TTLL9: variants seen among roughly 807,000 people sequenced by gnomAD.
The protein encoded by TTLL9 is probable tubulin polyglutamylase TTLL9.
Under a neutral mutation model 65.6 loss-of-function variants are expected in TTLL9, and 47 were observed. That is an observed-to-expected ratio of 0.72 (90% confidence interval 0.57 to 0.91). The LOEUF (loss-of-function observed/expected upper bound fraction) is 0.91, where lower values mean the gene tolerates loss of function less well. TTLL9 is among the 40% of genes least tolerant of loss of function. The pLI, the probability that TTLL9 is intolerant of heterozygous loss-of-function variation, is 0.00. For synonymous variants in TTLL9, 179 were observed against 204.8 expected (o/e 0.87, Z 1.07); for missense variants, 537 against 568.8 (o/e 0.94, Z 0.57).
chr20:31,923,644 C>T (rs147011177), intron 8 of TTLL9, among the ~76,000 whole-genome samples: 2,210 of 152,296 alleles, frequency 0.015, 32 homozygotes, highest in Non-Finnish European at 0.021. Flanking sequence ...GCCTCCTCCC[C>T]GCAAGCTTGG....
intron 3 of TTLL9, 122 bp downstream of exon 3, chr20:31,887,361 G>A (rs1475002478): frequency 8.7e-7 from 1 of 1,146,092 alleles, no homozygotes; most frequent in African/African-American, 1.5e-5. Flanking sequence ...AGTAGAAGGA[G>A]TAATGCTAAA....
intron 10 of TTLL9, among the ~76,000 whole-genome samples, chr20:31,932,836 A>G (rs897362692): frequency 1.3e-5 from 2 of 152,112 alleles, no homozygotes; most frequent in Non-Finnish European, 2.9e-5. Context: ...ATCTCTACTA[A>G]AAATACAAAA....
At chr20:31,934,453 C>T in intron 11 of TTLL9, 1 of 661,494 alleles carries the variant, frequency 1.5e-6, no homozygotes, top group Non-Finnish European at 2.8e-6. Context: ...GAAAAGGGGC[C>T]TACGCAGGCC....
chr20:31,890,980 C>T (rs2063300935), intron 3 of TTLL9, among the ~76,000 whole-genome samples: 1 of 152,172 alleles, frequency 6.6e-6, no homozygotes, highest in Non-Finnish European at 1.5e-5. Context: ...AACAGTTGTG[C>T]CACAGGTTAT....
At position 31,909,865 on chromosome 20, in the gene TTLL9, C is replaced by G. The variant is rs1468882447; in HGVS notation, c.447C>G (p.Tyr149Ter). Residue 149 changes from tyrosine (Y) to a stop codon, truncating the protein, a stop_gained, in exon 6 of 15, where the codon TAC becomes TAG. Transcript: ENST00000535842. LOFTEE classifies it high-confidence loss of function. ...FPKTFEMPCEYHLFVEEFRKN... is the reference protein window; with the variant it reads ...FPKTFEMPCE Reference sequence around the variant, plus strand: ...AAACCTTTGAGATGCCTTGCGAGTACCACCTGTTTGTAGAGGAGTTTCGCA... The same window carrying G: ...AAACCTTTGAGATGCCTTGCGAGTAGCACCTGTTTGTAGAGGAGTTTCGCA... The G allele has an allele frequency of 1.7e-5, 27 of 1,614,022 alleles. No homozygotes were observed. Among genetic ancestry groups the G allele is most frequent in the Non-Finnish European group, 2.1e-5 (25 of 1,180,024 alleles).
chr20:31,915,336 GC>G (rs2063717727), intron 6 of TTLL9, among the ~76,000 whole-genome samples: 3 of 152,120 alleles, frequency 2.0e-5, no homozygotes, highest in Non-Finnish European at 4.4e-5. Flanking sequence ...CAAAAAATTG[GC>G]AGAGCGTGGT....
intron 3 of TTLL9, among the ~76,000 whole-genome samples, chr20:31,893,998 A>C (rs1303042409): frequency 6.6e-6 from 1 of 151,722 alleles, no homozygotes; most frequent in African/African-American, 2.4e-5. Context: ...TTTCAAATGT[A>C]CGGTTTTTCC....
chr20:31,927,937 GT>G (rs894910051), intron 10 of TTLL9, among the ~76,000 whole-genome samples: 2 of 151,738 alleles, frequency 1.3e-5, no homozygotes, highest in African/African-American at 2.4e-5. Context: ...TTTGCAATTT[GT>G]TTTTTTCTAT....
chr20:31,871,070 C>T, intron 1 of TTLL9, 52 bp from the exon 2 acceptor site: 4 of 1,528,626 alleles, frequency 2.6e-6, no homozygotes, highest in African/African-American at 1.4e-5. Flanking sequence ...TCCATCTTCC[C>T]ATCCATTCAT....
chr20:31,902,086 A>G (rs2063487450), intron 4 of TTLL9, among the ~76,000 whole-genome samples: 1 of 150,190 alleles, frequency 6.7e-6, no homozygotes, highest in South Asian at 2.1e-4. Context: ...TAGCATATTC[A>G]CAAAGTTGTG....
intron 8 of TTLL9, 147 bp downstream of exon 8, chr20:31,923,200 A>T: frequency 3.1e-6 from 2 of 654,032 alleles, no homozygotes; most frequent in South Asian, 3.6e-5. Flanking sequence ...GCAGTCTCCC[A>T]CCTCCTAGCC....
intron 2 of TTLL9, among the ~76,000 whole-genome samples, chr20:31,871,663 C>T (rs771981650): frequency 2.0e-5 from 3 of 151,974 alleles, no homozygotes; most frequent in Admixed American, 6.6e-5. Context: ...TGGGGCTGCC[C>T]GTCTCAGCTC....
In TTLL9 at chr20:31,938,592, T is replaced by C. The variant is rs181091054; in HGVS notation, c.1119-550T>C. On this transcript the variant is annotated intron_variant, in intron 13 of 14. Coordinates refer to ENST00000535842, the MANE Select transcript of TTLL9 (RefSeq NM_001008409.5). ...CAGACTTTAAACCAGAAATCACAAA[T>C]AGCGGCCGGGGGTGGTGGCTCACGC... 8.2e-4 allele frequency among the ~76,000 whole-genome samples: 125 copies of C among 152,014 alleles called. 1 individual carries two copies. Among genetic ancestry groups the C allele is most frequent in the African/African-American group, 2.9e-3 (122 of 41,480 alleles).
rs201962845 is a variant in TTLL9, at chr20:31,925,026, C to A, written c.682C>A (p.Arg228Ser). ...YLIGGRKFDLRVYVLVMSVFA... is the reference protein window; with the variant it reads ...YLIGGRKFDLSVYVLVMSVFA... Reference sequence around the variant, plus strand: ...CCTGACAGGCCGCAAGTTTGACCTGCGTGTCTATGTGCTGGTGATGTCGGT... The same window carrying A: ...CCTGACAGGCCGCAAGTTTGACCTGAGTGTCTATGTGCTGGTGATGTCGGT... Residue 228 changes from arginine to serine, a missense_variant, in exon 9 of 15, where the codon CGT becomes AGT. This residue lies in a region of TTLL9 where 320 missense variants were observed against 311.0 expected (regional missense o/e 1.03). Coordinates refer to ENST00000535842, the MANE Select transcript of TTLL9 (RefSeq NM_001008409.5). 5.6e-6 allele frequency: 9 copies of A among 1,613,880 alleles called. No individual in the cohort carries two copies. Among genetic ancestry groups the A allele is most frequent in the East Asian group, 4.5e-5 (2 of 44,884 alleles).
intron 4 of TTLL9, among the ~76,000 whole-genome samples, chr20:31,899,101 G>A (rs949590383): frequency 6.6e-6 from 1 of 152,244 alleles, no homozygotes; most frequent in Non-Finnish European, 1.5e-5. Context: ...TTGGATGTAT[G>A]CAATGGAAAC....
Position 31,943,094 on chromosome 20 carries a change from A to C in TTLL9, c.*73A>C. On this transcript the variant is annotated 3_prime_UTR_variant, in exon 15 of 15. Transcript: ENST00000535842. ...CTCCCCCCCACTCCCAGATCCCAGC[A>C]CAGCACCTCACAGCATTCGCCTCCC... The C allele has an allele frequency of 7.4e-7, 1 of 1,354,948 alleles. No individual in the cohort carries two copies. The allele number at this position is 1,354,948 out of a possible 1,614,324, so 83.9% of individuals were successfully genotyped here.
chr20:31,925,994 C>T (rs1329769452), intron 9 of TTLL9, 55 bp from the exon 10 acceptor site: 24 of 1,609,640 alleles, frequency 1.5e-5, no homozygotes, highest in Non-Finnish European at 1.9e-5. Flanking sequence ...ACCCCCGACA[C>T]ACCTACCCCT....
At chr20:31,876,676 C>A (rs111736908) in intron 2 of TTLL9, among the ~76,000 whole-genome samples, 2 of 152,208 alleles carry the variant, frequency 1.3e-5, no homozygotes, top group African/African-American at 4.8e-5. Context: ...AAGATATCGT[C>A]TAGTAGTGGA....
In TTLL9 at chr20:31,906,033, C is replaced by CAA. The variant is rs892374670; in HGVS notation, c.207-2537_207-2536dup. Among the ~76,000 whole-genome samples the CAA allele has an allele frequency of 8.5e-3, 392 of 46,332 alleles. 4 individuals carry two copies. Among genetic ancestry groups the CAA allele is most frequent in the African/African-American group, 0.022 (265 of 12,228 alleles). The allele number at this position is 46,332 out of a possible 152,430, so 30.4% of individuals were successfully genotyped here. On this transcript the variant is annotated intron_variant, in intron 4 of 14. Transcript: ENST00000535842. ...GGGCAACAAGAGTGAAATTTCATCT[C>CAA]AAAAAAAAAAAAAAAAAAAAAAGGA...
Sources: gnomAD v4.1 joint callset for allele counts (sites outside exome capture counted in the v4.1 genomes callset) on GRCh38, gnomAD v4.1.1 for gene constraint, gnomAD v4.1.1 regional missense constraint, MANE v1.5 for transcripts, NCBI Gene and HGNC (gene_info 2026-07-23, HGNC 2026-07-21) for gene names.